KIAA2012: variants seen among roughly 807,000 people sequenced by gnomAD.
KIAA2012 encodes uncharacterized protein KIAA2012.
In KIAA2012, 125 loss-of-function variants were observed where a neutral mutation model predicts 150.6. The ratio of observed to expected loss-of-function variants is 0.83; its 90% CI spans 0.72 to 0.96. The LOEUF is 0.96. Among genes scored for constraint, KIAA2012 ranks in the 40% least tolerant of loss-of-function variants. KIAA2012 has a pLI of 0.00. For synonymous variants in KIAA2012, 462 were observed against 504.7 expected, an observed-to-expected ratio of 0.92 and a Z score of 1.13; for missense variants, 1,219 against 1,354.9, an observed-to-expected ratio of 0.90 and a Z score of 1.57.
intron 12 of KIAA2012, among the ~76,000 whole-genome samples, chr2:202,131,002 C>G (rs1345916890): frequency 6.6e-6 from 1 of 152,168 alleles, no homozygotes; most frequent in Non-Finnish European, 1.5e-5. Flanking sequence ...TAGTTTCTCT[C>G]CCTTGCTCCT....
intron 15 of KIAA2012, chr2:202,179,269 C>T: frequency 2.7e-6 from 3 of 1,103,792 alleles, no homozygotes; most frequent in East Asian, 2.9e-5. Flanking sequence ...ACTGTACATA[C>T]TTGTGCTTTG....
chr2:202,187,241 C>A, intron 17 of KIAA2012, 143 bp downstream of exon 17: 1 of 848,092 alleles, frequency 1.2e-6, no homozygotes, highest in Non-Finnish European at 1.8e-6. Flanking sequence ...AGCCTGTGGT[C>A]TGCTTACCAA....
At chr2:202,143,551 CT>C (rs11345113) in intron 13 of KIAA2012, among the ~76,000 whole-genome samples, 48,704 of 134,124 alleles carry the variant, frequency 0.36, 8,058 homozygotes, top group East Asian at 0.58. Context: ...TTTTCCTGGG[CT>C]TTTTTTTTTT....
At chr2:202,139,050 A>C (rs1691141687) in intron 13 of KIAA2012, among the ~76,000 whole-genome samples, 1 of 151,970 alleles carries the variant, frequency 6.6e-6, no homozygotes, top group African/African-American at 2.4e-5. Flanking sequence ...CAGCCTGGCC[A>C]ACGTGGTGAA....
At chr2:202,111,094 G>A (rs1309260869) in intron 10 of KIAA2012, among the ~76,000 whole-genome samples, 1 of 152,036 alleles carries the variant, frequency 6.6e-6, no homozygotes, top group Admixed American at 6.6e-5. Context: ...GTACTGTTAT[G>A]TCCCCACCTG....
At chr2:202,095,305 T>C (rs906914996) in intron 4 of KIAA2012, among the ~76,000 whole-genome samples, 7 of 152,222 alleles carry the variant, frequency 4.6e-5, no homozygotes, top group Admixed American at 3.9e-4. Flanking sequence ...TTCCCTCTCT[T>C]TGCCCAACAC....
chr2:202,146,847 G>A (rs771573215), intron 13 of KIAA2012, among the ~76,000 whole-genome samples: 2 of 152,144 alleles, frequency 1.3e-5, no homozygotes, highest in South Asian at 2.1e-4. Context: ...TATAGGCTAT[G>A]TGGCTTTAGG....
At chr2:202,140,795 G>A (rs1440811013) in intron 13 of KIAA2012, among the ~76,000 whole-genome samples, 2 of 152,096 alleles carry the variant, frequency 1.3e-5, no homozygotes, top group Non-Finnish European at 2.9e-5. Context: ...CTTCCCTGCG[G>A]CCTTTCCCAC....
intron 2 of KIAA2012, among the ~76,000 whole-genome samples, chr2:202,084,784 G>C (rs1689525881): frequency 6.6e-6 from 1 of 151,974 alleles, no homozygotes; most frequent in Non-Finnish European, 1.5e-5. Flanking sequence ...TTTTTAACAT[G>C]TTTTCTATTT....
At chr2:202,106,083 G>A (rs1690183499) in intron 9 of KIAA2012, 173 bp downstream of exon 9, 2 of 1,504,530 alleles carry the variant, frequency 1.3e-6, no homozygotes, top group Non-Finnish European at 1.8e-6. Context: ...CCAAAGTGCT[G>A]CACTAAAACT....
intron 13 of KIAA2012, among the ~76,000 whole-genome samples, chr2:202,142,986 C>T (rs536127134): frequency 9.0e-4 from 136 of 151,004 alleles, no homozygotes; most frequent in Middle Eastern, 3.4e-3. Context: ...GCACAACCCT[C>T]CCCAGTTGTG....
intron 3 of KIAA2012, among the ~76,000 whole-genome samples, chr2:202,091,927 C>A (rs964769963): frequency 6.6e-6 from 1 of 152,208 alleles, no homozygotes; most frequent in Non-Finnish European, 1.5e-5. Flanking sequence ...GTTGTGGGCT[C>A]CTCCAGTCAT....
intron 13 of KIAA2012, among the ~76,000 whole-genome samples, chr2:202,151,616 T>C (rs1691429554): frequency 6.6e-6 from 1 of 152,176 alleles, no homozygotes; most frequent in African/African-American, 2.4e-5. Context: ...CACAGACTAG[T>C]CACCACCTAA....
chr2:202,092,872 C>T (rs878956360), intron 3 of KIAA2012, among the ~76,000 whole-genome samples, 158 bp from the exon 4 acceptor site: 2 of 152,126 alleles, frequency 1.3e-5, no homozygotes, highest in South Asian at 4.1e-4. Context: ...TCTGTGGGTT[C>T]TATCTGACTT....
chr2:202,080,931 G>A lies in KIAA2012; in HGVS notation c.369+5756G>A, dbSNP rs546875103. Among the ~76,000 whole-genome samples the A allele has an allele frequency of 1.4e-3, 209 of 152,126 alleles. 1 individual carries two copies. Among genetic ancestry groups the A allele is most frequent in the African/African-American group, 4.8e-3 (198 of 41,454 alleles). ...TTCACATCGTTGTACAATCATTACC[G>A]TCATCCATTTCCAGGAGTTTTGTCA... On this transcript the variant is annotated intron_variant, in intron 2 of 23. Transcript: ENST00000498697.
chr2:202,118,556 C>T (rs576552411), intron 11 of KIAA2012, among the ~76,000 whole-genome samples: 2 of 152,190 alleles, frequency 1.3e-5, no homozygotes, highest in East Asian at 3.9e-4. Flanking sequence ...GAGGCAGTTA[C>T]TGTATAGTAA....
intron 22 of KIAA2012, 195 bp downstream of exon 22, chr2:202,197,214 T>C (rs1692431631): frequency 2.3e-6 from 2 of 861,850 alleles, no homozygotes; most frequent in African/African-American, 1.7e-5. Flanking sequence ...AATGAAGTTG[T>C]AATGAATCTA....
At chr2:202,182,108 CTTTTTTTTTTTTTT>C in intron 15 of KIAA2012, among the ~76,000 whole-genome samples, 1 of 104,104 alleles carries the variant, frequency 9.6e-6, no homozygotes, top group African/African-American at 3.7e-5. Context: ...TTTCTTTATT[CTTTTTTTTTTTTTT>C]TTTTTTTTTG....
intron 5 of KIAA2012, among the ~76,000 whole-genome samples, chr2:202,099,024 C>G (rs1689974602): frequency 6.6e-6 from 1 of 151,998 alleles, no homozygotes; most frequent in South Asian, 2.1e-4. Context: ...ATCTTGCTCT[C>G]TTGCCCAGGC....
Sources: allele counts gnomAD v4.1 joint callset (sites outside exome capture counted in the v4.1 genomes callset), GRCh38; gene constraint gnomAD v4.1.1; transcripts MANE v1.5; gene names NCBI Gene and HGNC (gene_info 2026-07-23, HGNC 2026-07-21).